Variants in SMYD3 observed in about 807,000 individuals in gnomAD.
The protein encoded by SMYD3 is SET and MYND domain containing 3.
SMYD3 carries 36 observed loss-of-function variants against 57.7 expected under a neutral mutation model. That is an observed-to-expected ratio of 0.62 (90% confidence interval 0.48 to 0.82). The LOEUF is 0.82. Ranked by LOEUF, SMYD3 falls within the 40% of genes least tolerant of loss-of-function variation. The pLI, the probability that SMYD3 is intolerant of heterozygous loss-of-function variation, is 0.00. For synonymous variants in SMYD3, 211 were observed against 195.0 expected (o/e 1.08, Z -0.68); for missense variants, 515 against 538.8 (o/e 0.96, Z 0.44).
At chr1:246,230,748 A>C (rs977473772) in intron 5 of SMYD3, among the ~76,000 whole-genome samples, 2 of 152,232 alleles carry the variant, frequency 1.3e-5, no homozygotes, top group African/African-American at 4.8e-5. Flanking sequence ...CTTTTCTATC[A>C]GCACCATTTA....
At chr1:246,369,807 C>T (rs1361406) in intron 1 of SMYD3, among the ~76,000 whole-genome samples, 80,012 of 151,824 alleles carry the variant, frequency 0.53, 21,880 homozygotes, top group Middle Eastern at 0.71. Flanking sequence ...AGATTAGAGG[C>T]GTGATTAGAT....
intron 5 of SMYD3, among the ~76,000 whole-genome samples, chr1:246,213,382 G>T (rs2063118607): frequency 6.6e-6 from 1 of 152,140 alleles, no homozygotes; most frequent in Non-Finnish European, 1.5e-5. Flanking sequence ...TCCGCAAGAA[G>T]ACAAAACTCC....
intron 5 of SMYD3, among the ~76,000 whole-genome samples, chr1:246,116,186 A>T (rs2148006442): frequency 7.0e-6 from 1 of 143,658 alleles, no homozygotes; most frequent in South Asian, 2.2e-4. Flanking sequence ...CCTATACCTC[A>T]AGCACCCTGA....
intron 5 of SMYD3, among the ~76,000 whole-genome samples, chr1:246,157,585 T>A (rs1470772780): frequency 1.3e-5 from 2 of 152,180 alleles, no homozygotes; most frequent in African/African-American, 4.8e-5. Context: ...CATTATCAGG[T>A]CACCTGGATA....
At chr1:246,370,901 A>G (rs1177926393) in intron 1 of SMYD3, among the ~76,000 whole-genome samples, 1 of 152,242 alleles carries the variant, frequency 6.6e-6, no homozygotes, top group Admixed American at 6.5e-5. Context: ...CTCAATCTAC[A>G]TTCACTGAAG....
intron 5 of SMYD3, among the ~76,000 whole-genome samples, chr1:246,209,998 G>A (rs568330514): frequency 4.6e-5 from 7 of 152,050 alleles, no homozygotes; most frequent in Admixed American, 2.0e-4. Context: ...CTAATTCTTC[G>A]ACTTCAGTAT....
intron 5 of SMYD3, chr1:246,035,298 G>A (rs964173126): frequency 3.9e-5 from 6 of 152,184 alleles, no homozygotes; most frequent in Non-Finnish European, 8.8e-5. Flanking sequence ...TCAGAATGGC[G>A]TTTATGATCT....
chr1:246,012,268 A>T (rs2059296155), intron 5 of SMYD3, among the ~76,000 whole-genome samples: 1 of 152,218 alleles, frequency 6.6e-6, no homozygotes, highest in Non-Finnish European at 1.5e-5. Flanking sequence ...CATGTTTTCA[A>T]TAAATTATTT....
intron 5 of SMYD3, among the ~76,000 whole-genome samples, chr1:245,942,580 T>A (rs1386516431): frequency 6.6e-6 from 1 of 152,150 alleles, no homozygotes; most frequent in East Asian, 1.9e-4. Context: ...AGACAGAATA[T>A]TAATAAAGCT....
At chr1:246,277,874 G>A (rs1365272761) in intron 5 of SMYD3, among the ~76,000 whole-genome samples, 1 of 152,172 alleles carries the variant, frequency 6.6e-6, no homozygotes, top group Non-Finnish European at 1.5e-5. Flanking sequence ...ACGTGTAGGA[G>A]GATTGATACC....
intron 5 of SMYD3, among the ~76,000 whole-genome samples, chr1:246,037,284 T>C (rs1248591700): frequency 6.6e-6 from 1 of 152,196 alleles, no homozygotes; most frequent in East Asian, 1.9e-4. Flanking sequence ...CAATACAAGG[T>C]GTTAACATTC....
intron 10 of SMYD3, among the ~76,000 whole-genome samples, chr1:245,849,945 G>A (rs759687282): frequency 3.4e-5 from 5 of 146,956 alleles, no homozygotes; most frequent in Non-Finnish European, 7.5e-5. Flanking sequence ...GAGCCACTGT[G>A]TCCGGCCTAT....
chr1:245,845,850 G>C (rs1165669999), intron 10 of SMYD3, among the ~76,000 whole-genome samples: 3 of 152,154 alleles, frequency 2.0e-5, no homozygotes, highest in Admixed American at 2.0e-4. Flanking sequence ...TAGTACAGTG[G>C]ACATCTATTC....
intron 5 of SMYD3, among the ~76,000 whole-genome samples, chr1:246,237,423 A>T (rs1487489540): frequency 6.6e-6 from 1 of 152,178 alleles, no homozygotes; most frequent in African/African-American, 2.4e-5. Flanking sequence ...TATTACTGTT[A>T]TTACTAGAGG....
chr1:245,823,527 C>A (rs1262183119), intron 10 of SMYD3, among the ~76,000 whole-genome samples: 1 of 152,188 alleles, frequency 6.6e-6, no homozygotes, highest in Non-Finnish European at 1.5e-5. Flanking sequence ...AGGCAAAGCT[C>A]CCATTCATGT....
chr1:246,449,930 T>C (rs1454712144), intron 1 of SMYD3, among the ~76,000 whole-genome samples: 1 of 152,200 alleles, frequency 6.6e-6, no homozygotes, highest in South Asian at 2.1e-4. Context: ...AAGATGAGTG[T>C]TGCAGCTTCG....
chr1:245,855,917 G>A lies in SMYD3; in HGVS notation c.1076+2579C>T, dbSNP rs144482714. ...ATATTAACATTGTAAAACTGTTACA[G>A]CAGATGGCAATGCAATCATCCCTTG... is the stretch of plus-strand genomic sequence containing the variant. On this transcript the variant is annotated intron_variant, in intron 10 of 11. Transcript: ENST00000490107. Among the ~76,000 whole-genome samples, 682 of 152,350 alleles carry A rather than the reference G, an allele frequency of 4.5e-3. 4 individuals are homozygous for A. Among genetic ancestry groups the A allele is most frequent in the Non-Finnish European group, 8.0e-3 (541 of 68,036 alleles).
intron 10 of SMYD3, among the ~76,000 whole-genome samples, chr1:245,817,590 A>G (rs1194453107): frequency 1.3e-5 from 2 of 152,066 alleles, no homozygotes; most frequent in Non-Finnish European, 2.9e-5. Context: ...CAGACGATCA[A>G]ATTACTCTGA....
At chr1:246,449,747 C>T (rs1179499949) in intron 1 of SMYD3, among the ~76,000 whole-genome samples, 1 of 108,028 alleles carries the variant, frequency 9.3e-6, no homozygotes, top group Admixed American at 8.4e-5. Context: ...GTGCCTGACA[C>T]AGAGAAGTGT....
Sources: gnomAD v4.1 joint callset for allele counts (sites outside exome capture counted in the v4.1 genomes callset) on GRCh38, gnomAD v4.1.1 for gene constraint, MANE v1.5 for transcripts, NCBI Gene and HGNC (gene_info 2026-07-23, HGNC 2026-07-21) for gene names.